The following WDPCP variants were observed in gnomAD, a reference collection of about 807,000 sequenced individuals.
WDPCP encodes WD repeat containing planar cell polarity effector.
WDPCP carries 71 observed loss-of-function variants against 93.1 expected under a neutral mutation model. The observed-to-expected ratio is 0.76, with a 90% CI of 0.63 to 0.93. WDPCP has a LOEUF of 0.93. WDPCP is among the 40% of genes least tolerant of loss of function. The pLI, the probability that WDPCP is intolerant of heterozygous loss-of-function variation, is 0.00. For missense variants in WDPCP, 844 were observed against 887.4 expected, an observed-to-expected ratio of 0.95 and a Z score of 0.62; for synonymous variants, 315 against 315.0, an observed-to-expected ratio of 1.00 and a Z score of 0.00.
At chr2:63,768,609 T>C (rs1342673376) in intron 2 of WDPCP, among the ~76,000 whole-genome samples, 5 of 152,040 alleles carry the variant, frequency 3.3e-5, no homozygotes, top group Non-Finnish European at 5.9e-5. Context: ...GTGCTTTTAA[T>C]GTACAGCCAG....
intron 13 of WDPCP, among the ~76,000 whole-genome samples, chr2:63,305,026 T>C (rs1685620431): frequency 6.6e-6 from 1 of 152,070 alleles, no homozygotes; most frequent in South Asian, 2.1e-4. Flanking sequence ...AAAGCCGCGG[T>C]AGCCAGACTG....
At chr2:63,648,946 T>C (rs1710080925) in intron 3 of WDPCP, among the ~76,000 whole-genome samples, 1 of 152,214 alleles carries the variant, frequency 6.6e-6, no homozygotes, top group Admixed American at 6.5e-5. Context: ...TGGATTGCTG[T>C]TTACCAATTG....
chr2:63,395,100 A>G (rs977264397), intron 10 of WDPCP, among the ~76,000 whole-genome samples: 2 of 152,218 alleles, frequency 1.3e-5, no homozygotes, highest in African/African-American at 4.8e-5. Flanking sequence ...ACAAAAAAAT[A>G]CAGAAATACA....
rs757933715 is a variant in WDPCP at position 63,152,883 on chromosome 2, T to C, written c.2190+31A>G. ...TTATGCTTTTCTCTTAGAATTTAAA[T>C]GTCTAGTAATAAACAGAGAAAGTGT... is the stretch of plus-strand genomic sequence containing the variant. On this transcript the variant is annotated intron_variant, in intron 17 of 17. Transcript: ENST00000272321. The C allele has an allele frequency of 8.8e-6, 14 of 1,596,564 alleles. No homozygotes were observed. In the South Asian group the frequency reaches 1.5e-4, roughly 18 times the overall value.
At chr2:63,410,463 T>A (rs1486546231) in intron 9 of WDPCP, among the ~76,000 whole-genome samples, 3 of 152,152 alleles carry the variant, frequency 2.0e-5, no homozygotes, top group South Asian at 2.1e-4. Flanking sequence ...ATACAACTTA[T>A]AAAGCAAAAC....
chr2:63,651,202 T>A (rs1218452546), intron 2 of WDPCP, among the ~76,000 whole-genome samples: 1 of 152,214 alleles, frequency 6.6e-6, no homozygotes, highest in African/African-American at 2.4e-5. Flanking sequence ...TCTATTTTTT[T>A]AAAAGCCACT....
intron 10 of WDPCP, among the ~76,000 whole-genome samples, chr2:63,387,002 C>T (rs1275398118): frequency 6.6e-6 from 1 of 151,978 alleles, no homozygotes; most frequent in Non-Finnish European, 1.5e-5. Context: ...AATAAAAAGC[C>T]TACCATCAGA....
intron 17 of WDPCP, among the ~76,000 whole-genome samples, chr2:63,129,958 G>C (rs1670183138): frequency 6.6e-6 from 1 of 152,180 alleles, no homozygotes; most frequent in Admixed American, 6.5e-5. Flanking sequence ...GTTTAGGACA[G>C]ATGGTTTTTT....
At chr2:63,437,984 C>T (rs1275699426) in intron 7 of WDPCP, 3 of 1,359,606 alleles carry the variant, frequency 2.2e-6, no homozygotes, top group Non-Finnish European at 1.9e-6. Context: ...GTGTTCTCTA[C>T]CAGTCTATTT....
At chr2:63,169,919 T>TATCA (rs1377529783) in intron 15 of WDPCP, among the ~76,000 whole-genome samples, 2 of 151,522 alleles carry the variant, frequency 1.3e-5, no homozygotes, top group Admixed American at 6.6e-5. Flanking sequence ...TTTGAGACCC[T>TATCA]ATCACTCTGC....
intron 1 of WDPCP, among the ~76,000 whole-genome samples, chr2:63,575,560 T>C (rs937220679): frequency 1.4e-5 from 2 of 144,096 alleles, no homozygotes; most frequent in Admixed American, 6.9e-5. Context: ...ATATACAGTA[T>C]ATATACTATA....
At chr2:63,838,043 C>T in the WDPCP span, among the ~76,000 whole-genome samples, 11 of 151,924 alleles carry the variant, frequency 7.2e-5, no homozygotes, top group Admixed American at 2.6e-4. Context: ...TGCATTGAGC[C>T]GAGATCGCAC....
chr2:63,358,783 C>T (rs573963440), intron 12 of WDPCP, among the ~76,000 whole-genome samples: 9 of 152,222 alleles, frequency 5.9e-5, no homozygotes, highest in South Asian at 2.1e-4. Context: ...CTACCACTAA[C>T]GGTCAGCATA....
At chr2:63,594,544 G>T (rs1709265822) in intron 3 of WDPCP, 3 of 1,613,744 alleles carry the variant, frequency 1.9e-6, no homozygotes, top group Non-Finnish European at 2.5e-6. Flanking sequence ...CATATTCACT[G>T]CTGTACAGTA....
intron 12 of WDPCP, among the ~76,000 whole-genome samples, chr2:63,366,961 T>C (rs905263873): frequency 3.3e-5 from 5 of 152,004 alleles, no homozygotes; most frequent in African/African-American, 1.2e-4. Context: ...CATAGTAGAA[T>C]GTGAGGTTTA....
At chr2:63,677,700 T>G (rs1315094425) in intron 2 of WDPCP, among the ~76,000 whole-genome samples, 2 of 152,282 alleles carry the variant, frequency 1.3e-5, no homozygotes, top group Non-Finnish European at 2.9e-5. Flanking sequence ...TAGAATTCTA[T>G]GCCTGATGAA....
At chr2:63,750,549 A>G (rs757334752) in intron 2 of WDPCP, among the ~76,000 whole-genome samples, 2 of 152,060 alleles carry the variant, frequency 1.3e-5, no homozygotes, top group Non-Finnish European at 2.9e-5. Flanking sequence ...GTTGAGTACA[A>G]GTTGTAAGGG....
chr2:63,773,827 T>C (rs1009873706), intron 2 of WDPCP, among the ~76,000 whole-genome samples: 2 of 152,130 alleles, frequency 1.3e-5, no homozygotes, highest in African/African-American at 4.8e-5. Context: ...AATCTCATCA[T>C]GTTGTTTTAG....
At chr2:63,758,773 C>CT (rs1180214694) in intron 2 of WDPCP, among the ~76,000 whole-genome samples, 100 of 150,988 alleles carry the variant, frequency 6.6e-4, no homozygotes, top group Middle Eastern at 3.4e-3. Flanking sequence ...GCTCCAGATT[C>CT]TTTTTTTTTA....
Sources: gnomAD v4.1 joint callset for allele counts (sites outside exome capture counted in the v4.1 genomes callset) on GRCh38, gnomAD v4.1.1 for gene constraint, MANE v1.5 for transcripts, NCBI Gene and HGNC (gene_info 2026-07-23, HGNC 2026-07-21) for gene names.